Variants in ITGBL1 observed in about 807,000 individuals in gnomAD.
The protein encoded by ITGBL1 is integrin beta-like protein 1.
ITGBL1 carries 51 observed loss-of-function variants against 68.5 expected under a neutral mutation model. That is an observed-to-expected ratio of 0.74 (90% CI 0.59 to 0.94). ITGBL1 has a LOEUF of 0.94. Among genes scored for constraint, ITGBL1 ranks in the 40% least tolerant of loss-of-function variants. The pLI is 0.00. For missense variants in ITGBL1, 649 were observed against 647.4 expected (o/e 1.00, Z -0.03); for synonymous variants, 209 against 227.3 (o/e 0.92, Z 0.72).
chr13:101,484,566 C>A (rs939655362), intron 2 of ITGBL1, among the ~76,000 whole-genome samples: 2 of 152,106 alleles, frequency 1.3e-5, no homozygotes, highest in African/African-American at 4.8e-5. Flanking sequence ...GCATTCGAAG[C>A]TATCCAAATT....
intron 2 of ITGBL1, among the ~76,000 whole-genome samples, chr13:101,558,251 A>G (rs1256248863): frequency 6.6e-6 from 1 of 152,144 alleles, no homozygotes; most frequent in East Asian, 1.9e-4. Context: ...TTACAAGAGA[A>G]TGAGCTAAAC....
intron 2 of ITGBL1, among the ~76,000 whole-genome samples, chr13:101,489,415 A>G (rs1438841003): frequency 1.3e-5 from 2 of 152,186 alleles, no homozygotes; most frequent in Non-Finnish European, 2.9e-5. Context: ...CTTTGAAATG[A>G]CAGTTTTCAC....
At chr13:101,708,369 CTT>C (rs199730510) in intron 9 of ITGBL1, among the ~76,000 whole-genome samples, 1 of 150,198 alleles carries the variant, frequency 6.7e-6, no homozygotes, top group East Asian at 2.0e-4. Flanking sequence ...CACAGACACA[CTT>C]TTTTTTTTCT....
At chr13:101,468,452 A>C (rs892434267) in intron 2 of ITGBL1, among the ~76,000 whole-genome samples, 4 of 152,320 alleles carry the variant, frequency 2.6e-5, no homozygotes, top group African/African-American at 9.6e-5. Flanking sequence ...AACTTTTAAG[A>C]GATAGTCAAA....
At chr13:101,637,638 C>A (rs1319545044) in intron 7 of ITGBL1, among the ~76,000 whole-genome samples, 1 of 152,160 alleles carries the variant, frequency 6.6e-6, no homozygotes, top group Non-Finnish European at 1.5e-5. Flanking sequence ...CCACCATGCA[C>A]CATGGAACAA....
intron 7 of ITGBL1, among the ~76,000 whole-genome samples, chr13:101,614,141 C>T (rs182329690): frequency 1.8e-4 from 27 of 152,044 alleles, no homozygotes; most frequent in Admixed American, 1.2e-3. Context: ...GTTTGAATAC[C>T]GGCAGCATAC....
At chr13:101,666,049 G>A (rs988926294) in intron 7 of ITGBL1, among the ~76,000 whole-genome samples, 1 of 152,036 alleles carries the variant, frequency 6.6e-6, no homozygotes, top group Non-Finnish European at 1.5e-5. Flanking sequence ...TCCCCTGAAG[G>A]TGTCTGTAGT....
chr13:101,668,822 G>A (rs1566783450), intron 7 of ITGBL1, among the ~76,000 whole-genome samples: 2 of 151,960 alleles, frequency 1.3e-5, no homozygotes, highest in Admixed American at 6.5e-5. Flanking sequence ...TCTGATCAGA[G>A]GTTCATGTTT....
chr13:101,668,052 T>G (rs562443669), intron 7 of ITGBL1, among the ~76,000 whole-genome samples: 28 of 152,272 alleles, frequency 1.8e-4, no homozygotes, highest in African/African-American at 5.8e-4. Flanking sequence ...TTAGACAGGA[T>G]TACATTGATC....
chr13:101,638,482 A>C (rs1003559743), intron 7 of ITGBL1, among the ~76,000 whole-genome samples: 2 of 152,182 alleles, frequency 1.3e-5, no homozygotes, highest in African/African-American at 4.8e-5. Flanking sequence ...GCTGCTGATA[A>C]GGATATACCT....
intron 7 of ITGBL1, among the ~76,000 whole-genome samples, chr13:101,614,249 G>C (rs2031258983): frequency 6.6e-6 from 1 of 152,044 alleles, no homozygotes; most frequent in Non-Finnish European, 1.5e-5. Flanking sequence ...ATGCATTTTG[G>C]GTTTTCGCCA....
chr13:101,674,171 TAC>T (rs890691337), intron 7 of ITGBL1, among the ~76,000 whole-genome samples: 2 of 152,208 alleles, frequency 1.3e-5, no homozygotes, highest in African/African-American at 4.8e-5. Context: ...TGCAACCTAA[TAC>T]ACACACACAT....
intron 2 of ITGBL1, among the ~76,000 whole-genome samples, chr13:101,464,676 CATATTT>C (rs1191805005): frequency 2.0e-5 from 3 of 152,024 alleles, no homozygotes; most frequent in African/African-American, 7.2e-5. Flanking sequence ...TATATATACA[CATATTT>C]ATATATGTAT....
At chr13:101,467,819 C>G (rs1290705195) in intron 2 of ITGBL1, among the ~76,000 whole-genome samples, 2 of 152,064 alleles carry the variant, frequency 1.3e-5, no homozygotes, top group Admixed American at 1.3e-4. Flanking sequence ...GAATACCTAC[C>G]CACTCTAGTT....
At chr13:101,612,044 A>C (rs74970535) in intron 7 of ITGBL1, among the ~76,000 whole-genome samples, 1 of 152,174 alleles carries the variant, frequency 6.6e-6, no homozygotes, top group Non-Finnish European at 1.5e-5. Flanking sequence ...GGAATATAAC[A>C]ATTTAAGATG....
chr13:101,565,312 G>A (rs1205122980), intron 2 of ITGBL1, among the ~76,000 whole-genome samples: 1 of 152,038 alleles, frequency 6.6e-6, no homozygotes, highest in African/African-American at 2.4e-5. Context: ...GTAAACAATA[G>A]TCTGAATACT....
intron 2 of ITGBL1, among the ~76,000 whole-genome samples, chr13:101,537,720 T>C (rs1418713497): frequency 6.6e-6 from 1 of 152,074 alleles, no homozygotes; most frequent in Non-Finnish European, 1.5e-5. Context: ...GATCACAATG[T>C]ATTAAATTGC....
At chr13:101,600,648 G>A (rs1393360520) in intron 7 of ITGBL1, among the ~76,000 whole-genome samples, 1 of 152,126 alleles carries the variant, frequency 6.6e-6, no homozygotes, top group Non-Finnish European at 1.5e-5. Context: ...TTAGCATGAA[G>A]GGTTGTTGAA....
At chr13:101,615,250 C>T (rs1388829211) in intron 7 of ITGBL1, among the ~76,000 whole-genome samples, 3 of 152,074 alleles carry the variant, frequency 2.0e-5, no homozygotes, top group African/African-American at 4.8e-5. Flanking sequence ...AGTCTTCGGA[C>T]TTAGGGCCCA....
Sources: gnomAD v4.1 joint callset for allele counts (sites outside exome capture counted in the v4.1 genomes callset) on GRCh38, gnomAD v4.1.1 for gene constraint, MANE v1.5 for transcripts, NCBI Gene and HGNC (gene_info 2026-07-23, HGNC 2026-07-21) for gene names.